ATP9B: variants seen among roughly 807,000 people sequenced by gnomAD.
ATP9B encodes the protein probable phospholipid-transporting ATPase IIB.
ATP9B carries 110 observed loss-of-function variants against 146.1 expected under a neutral mutation model. That is an observed-to-expected ratio of 0.75 (90% CI 0.65 to 0.88). The LOEUF is 0.88. Among genes scored for constraint, ATP9B ranks in the 40% least tolerant of loss-of-function variants. The pLI is 0.00. For synonymous variants in ATP9B, 604 were observed against 569.7 expected, an observed-to-expected ratio of 1.06 and a Z score of -0.86; for missense variants, 1,499 against 1,496.4, an observed-to-expected ratio of 1.00 and a Z score of -0.03.
At chr18:79,079,842 T>A (rs896963373) in intron 1 of ATP9B, among the ~76,000 whole-genome samples, 5 of 152,148 alleles carry the variant, frequency 3.3e-5, no homozygotes, top group African/African-American at 1.2e-4. Flanking sequence ...AAGGAAGGGG[T>A]CCAGTTTCAG....
At chr18:79,347,958 G>C (rs1365600828) in intron 24 of ATP9B, 33 bp downstream of exon 24, 1 of 1,607,866 alleles carries the variant, frequency 6.2e-7, no homozygotes. Context: ...ACCCATGGAG[G>C]GCAGGGTCCA....
chr18:79,330,181 A>C, intron 17 of ATP9B, 77 bp downstream of exon 17: 6 of 1,352,732 alleles, frequency 4.4e-6, no homozygotes, highest in Non-Finnish European at 6.3e-6. Flanking sequence ...AGCCTGGTTC[A>C]CAGTGTTTCT....
At chr18:79,105,307 G>T (rs749890331) in intron 2 of ATP9B, among the ~76,000 whole-genome samples, 149 of 152,276 alleles carry the variant, frequency 9.8e-4, no homozygotes, top group Non-Finnish European at 1.7e-3. Flanking sequence ...GTGGCTCAAA[G>T]AATAGATTTA....
intron 26 of ATP9B, among the ~76,000 whole-genome samples, chr18:79,372,108 C>G (rs1028638996): frequency 2.6e-5 from 4 of 152,162 alleles, no homozygotes; most frequent in African/African-American, 9.7e-5. Flanking sequence ...AATGACTCAG[C>G]CTCTCTTCTT....
At chr18:79,256,332 T>G (rs2096081119) in intron 12 of ATP9B, among the ~76,000 whole-genome samples, 1 of 146,424 alleles carries the variant, frequency 6.8e-6, no homozygotes, top group Admixed American at 6.9e-5. Context: ...AGGTTTAGAA[T>G]AGCTCTTATT....
intron 4 of ATP9B, among the ~76,000 whole-genome samples, chr18:79,125,220 C>CGAGGGAGGCTCATGATTA (rs2094262791): frequency 6.6e-6 from 1 of 151,768 alleles, no homozygotes; most frequent in African/African-American, 2.4e-5. Flanking sequence ...GTTGTAGGGC[C>CGAGGGAGGCTCATGATTA]GAGGGAGGCT....
intron 6 of ATP9B, among the ~76,000 whole-genome samples, chr18:79,150,488 A>C (rs982791410): frequency 6.6e-6 from 1 of 152,206 alleles, no homozygotes; most frequent in Non-Finnish European, 1.5e-5. Flanking sequence ...GTGACTGGTC[A>C]GAGAAGTAGC....
intron 15 of ATP9B, among the ~76,000 whole-genome samples, chr18:79,327,015 G>A (rs1020440757): frequency 3.3e-5 from 5 of 152,206 alleles, no homozygotes; most frequent in Admixed American, 6.5e-5. Context: ...CCCAGGGTTC[G>A]GTCCTAACCT....
At chr18:79,238,251 T>A (rs2095859666) in intron 11 of ATP9B, among the ~76,000 whole-genome samples, 1 of 152,126 alleles carries the variant, frequency 6.6e-6, no homozygotes, top group African/African-American at 2.4e-5. Flanking sequence ...TTTTTTTTTT[T>A]TTTGAATGAG....
intron 10 of ATP9B, 94 bp downstream of exon 10, chr18:79,207,106 C>G: frequency 1.6e-6 from 2 of 1,236,658 alleles, no homozygotes; most frequent in South Asian, 2.6e-5. Flanking sequence ...CTCACAGTGC[C>G]CTGAAATATT....
intron 25 of ATP9B, among the ~76,000 whole-genome samples, chr18:79,358,035 C>T (rs369137439): frequency 0.012 from 171 of 14,714 alleles, no homozygotes; most frequent in African/African-American, 0.014. Context: ...GTGAGGGGTG[C>T]CCTGGGTCTG....
intron 13 of ATP9B, among the ~76,000 whole-genome samples, chr18:79,291,353 A>G (rs965417798): frequency 2.0e-5 from 3 of 152,204 alleles, no homozygotes; most frequent in Admixed American, 1.3e-4. Context: ...TGTTGTATTA[A>G]AATGACAAAA....
chr18:79,136,841 ACAACC>A (rs1431637431), intron 5 of ATP9B, among the ~76,000 whole-genome samples: 3 of 152,216 alleles, frequency 2.0e-5, no homozygotes, highest in Non-Finnish European at 4.4e-5. Context: ...CAGGAAACTT[ACAACC>A]ATGGAGGAAG....
At chr18:79,348,084 G>A (rs756282690) in intron 24 of ATP9B, 48 bp from the exon 25 acceptor site, 2 of 1,610,256 alleles carry the variant, frequency 1.2e-6, no homozygotes, top group Non-Finnish European at 1.7e-6. Flanking sequence ...GGGGCCACAG[G>A]TGCTCGTGGA....
intron 11 of ATP9B, among the ~76,000 whole-genome samples, chr18:79,237,504 G>T (rs936664565): frequency 6.6e-6 from 1 of 152,240 alleles, no homozygotes; most frequent in Admixed American, 6.5e-5. Context: ...TTGCTGTAGG[G>T]AGTTAGGGAT....
intron 7 of ATP9B, among the ~76,000 whole-genome samples, chr18:79,160,657 A>G (rs2094864870): frequency 6.6e-6 from 1 of 152,284 alleles, no homozygotes; most frequent in South Asian, 2.1e-4. Context: ...AAAGGTGTTT[A>G]GAAATGTCCA....
chr18:79,253,274 A>G, intron 11 of ATP9B, 107 bp from the exon 12 acceptor site: 1 of 1,067,522 alleles, frequency 9.4e-7, no homozygotes, highest in South Asian at 1.8e-5. Context: ...GCTAATACCA[A>G]TAAATTTTAA....
At chr18:79,209,953 C>A (rs982202167) in intron 10 of ATP9B, among the ~76,000 whole-genome samples, 2 of 152,108 alleles carry the variant, frequency 1.3e-5, no homozygotes, top group Non-Finnish European at 2.9e-5. Flanking sequence ...ATTCCTTTTA[C>A]TCTTATACTT....
intron 11 of ATP9B, among the ~76,000 whole-genome samples, chr18:79,224,536 T>C (rs1274311083): frequency 6.6e-6 from 1 of 152,188 alleles, no homozygotes; most frequent in African/African-American, 2.4e-5. Flanking sequence ...GGACATGCCC[T>C]GTCTCATGCA....
Sources: allele counts gnomAD v4.1 joint callset (sites outside exome capture counted in the v4.1 genomes callset), GRCh38; gene constraint gnomAD v4.1.1; transcripts MANE v1.5; gene names NCBI Gene and HGNC (gene_info 2026-07-23, HGNC 2026-07-21).